TENT4B: variants seen among roughly 807,000 people sequenced by gnomAD.
The protein encoded by TENT4B is terminal nucleotidyltransferase 4B, also known as PAP associated domain containing 5.
TENT4B carries 10 observed loss-of-function variants against 75.0 expected under a neutral mutation model. The observed-to-expected ratio is 0.13, with a 90% confidence interval of 0.08 to 0.23. TENT4B has a LOEUF of 0.23. Ranked by LOEUF, TENT4B falls within the 10% of genes least tolerant of loss-of-function variation. The pLI, the probability that TENT4B is intolerant of heterozygous loss-of-function variation, is 1.00. For synonymous variants in TENT4B, 350 were observed against 357.7 expected (o/e 0.98, Z 0.24); for missense variants, 579 against 893.8 (o/e 0.65, Z 4.49).
chr16:50,209,162 A>AT (rs372277000), intron 1 of TENT4B, among the ~76,000 whole-genome samples: 3 of 152,042 alleles, frequency 2.0e-5, no homozygotes, highest in Non-Finnish European at 2.9e-5. Flanking sequence ...CATTTAGGAG[A>AT]TTTTTCCCCC....
In TENT4B at chr16:50,214,108, A is replaced by G. The variant is rs11861291; in HGVS notation, c.763-113A>G. On this transcript the variant is annotated intron_variant, in intron 2 of 11. Transcript: ENST00000561678. ...TAGAAAAAAATGCTCTTGTCATACC[A>G]AAAAGTACCAGTAGAGGGTAGCAAA... 4,386 of 769,854 alleles carry G rather than the reference A, an allele frequency of 5.7e-3. 151 individuals carry two copies. The African/African-American group carries it at 0.071, about 13-fold the overall frequency. The allele number at this position is 769,854 out of a possible 1,614,324, so 47.7% of individuals were successfully genotyped here.
intron 1 of TENT4B, among the ~76,000 whole-genome samples, chr16:50,191,305 G>A (rs1490848969): frequency 6.6e-6 from 1 of 151,996 alleles, no homozygotes; most frequent in Non-Finnish European, 1.5e-5. Context: ...CCACACAGCT[G>A]TACCATTGTA....
At position 50,153,994 on chromosome 16, in the gene TENT4B, G is replaced by C. The variant is rs2037835127; in HGVS notation, c.373G>C (p.Ala125Pro). 1 of 1,534,074 alleles carries C rather than the reference G, an allele frequency of 6.5e-7. No individual in the cohort carries two copies. The highest frequency in any genetic ancestry group is 8.7e-7 in the Non-Finnish European group (1 of 1,146,074). The change falls in exon 1 of 12, where the codon GCG becomes CCG. Residue 125 changes from alanine to proline, a missense_variant. Coordinates refer to ENST00000561678, the MANE Select transcript of TENT4B (RefSeq NM_001365324.3). The stretch of plus-strand genomic sequence containing the variant: ...CCAGCCCGGGGCCTGGGCCCGCCGG[G>C]CGGGCTCCTCGGCGTCCTCGCCTCC... ...HHQPGAWARR[A>P]GSSASSPPSA...
At chr16:50,228,721 G>T (rs1276949351) in intron 11 of TENT4B, among the ~76,000 whole-genome samples, 2 of 152,178 alleles carry the variant, frequency 1.3e-5, no homozygotes, top group African/African-American at 2.4e-5. Flanking sequence ...AAGTGACAGG[G>T]TTGACAGAAG....
chr16:50,210,121 C>T (rs749147005), intron 1 of TENT4B, among the ~76,000 whole-genome samples: 20 of 152,190 alleles, frequency 1.3e-4, no homozygotes, highest in Non-Finnish European at 2.9e-4. Context: ...TGGTCTATCC[C>T]AGTTGGTAGA....
chr16:50,171,322 G>A (rs1485886259), intron 1 of TENT4B, among the ~76,000 whole-genome samples: 1 of 152,076 alleles, frequency 6.6e-6, no homozygotes, highest in Admixed American at 6.6e-5. Flanking sequence ...GATCGCTTGA[G>A]CCTAGGAAGT....
chr16:50,199,880 C>A (rs1306410497), intron 1 of TENT4B, among the ~76,000 whole-genome samples: 3 of 152,126 alleles, frequency 2.0e-5, no homozygotes, highest in African/African-American at 7.2e-5. Flanking sequence ...TGATGTGAAC[C>A]CCTCTCCTCA....
chr16:50,161,333 T>C (rs1001324291), intron 1 of TENT4B, among the ~76,000 whole-genome samples: 1 of 152,210 alleles, frequency 6.6e-6, no homozygotes, highest in Non-Finnish European at 1.5e-5. Context: ...GGAAAAAAGC[T>C]GAATGTTGAG....
rs950493922 is a variant in TENT4B, at chr16:50,222,559, G to A, written c.1167+125G>A. 9 of 968,396 alleles carry A rather than the reference G, an allele frequency of 9.3e-6. No individual in the cohort carries two copies. The African/African-American group carries it at 1.2e-4, about 13-fold the overall frequency. The allele number at this position is 968,396 out of a possible 1,614,324, so 60.0% of individuals were successfully genotyped here. On this transcript the variant is annotated intron_variant, in intron 6 of 11. Transcript: ENST00000561678. ...CATTGCTTTCCTTGATTACTTAACG[G>A]CTTTTCCCTTTAAACTGGGTACATT...
chr16:50,165,629 C>G (rs2038085742), intron 1 of TENT4B, among the ~76,000 whole-genome samples: 1 of 152,178 alleles, frequency 6.6e-6, no homozygotes, highest in African/African-American at 2.4e-5. Flanking sequence ...GACTCTCTGT[C>G]TCTGTGGATT....
intron 5 of TENT4B, among the ~76,000 whole-genome samples, chr16:50,221,785 A>G (rs988019407): frequency 9.5e-5 from 14 of 147,628 alleles, no homozygotes; most frequent in Middle Eastern, 6.9e-3. Context: ...TTTTTTTGAG[A>G]TGGAGTCTTG....
intron 5 of TENT4B, among the ~76,000 whole-genome samples, chr16:50,218,946 C>T (rs2150742283): frequency 6.6e-6 from 1 of 151,958 alleles, no homozygotes; most frequent in South Asian, 2.1e-4. Flanking sequence ...TGTAGCAGCT[C>T]TAAAGTTTCT....
chr16:50,168,037 A>C (rs58350231), intron 1 of TENT4B, among the ~76,000 whole-genome samples: 287 of 151,984 alleles, frequency 1.9e-3, no homozygotes, highest in African/African-American at 6.7e-3. Flanking sequence ...CAGTTGTCCC[A>C]GAACCATTTG....
Position 50,197,107 on chromosome 16 carries a change from TA to T in TENT4B, c.639-14206del, listed in dbSNP as rs1039564437. Among the ~76,000 whole-genome samples the T allele has an allele frequency of 3.7e-5, 5 of 134,864 alleles. No individual in the cohort carries two copies. The East Asian group carries it at 6.4e-4, about 17-fold the overall frequency. The allele number at this position is 134,864 out of a possible 152,430, so 88.5% of individuals were successfully genotyped here. A position where few individuals can be genotyped will look rare whatever the true frequency, so the allele number is the denominator to read the frequency against. On this transcript the variant is annotated intron_variant, in intron 1 of 11. Transcript: ENST00000561678. ...GGGGATGATAGCAAGACCCCATCTC[TA>T]AAAAAAAAACAAAAAACAAAAAAAA... is the stretch of plus-strand genomic sequence containing the variant.
chr16:50,214,343 A>G, intron 3 of TENT4B, 76 bp downstream of exon 3: 1 of 1,205,532 alleles, frequency 8.3e-7, no homozygotes, highest in Non-Finnish European at 1.2e-6. Flanking sequence ...TGTAAGGAGT[A>G]GAAACAAAAC....
At chr16:50,178,415 G>C (rs145529724) in intron 1 of TENT4B, among the ~76,000 whole-genome samples, 1 of 151,994 alleles carries the variant, frequency 6.6e-6, no homozygotes, top group East Asian at 1.9e-4. Flanking sequence ...CTGTACTCCA[G>C]CCTGGGCAAC....
At chr16:50,189,019 T>C (rs960472608) in intron 1 of TENT4B, among the ~76,000 whole-genome samples, 12 of 152,154 alleles carry the variant, frequency 7.9e-5, no homozygotes, top group Non-Finnish European at 1.6e-4. Context: ...CCCTGCGTGG[T>C]AGATCTAGGA....
Position 50,233,805 on chromosome 16 carries a change from G to A in TENT4B, c.*4477G>A, listed in dbSNP as rs2032369378. On this transcript the variant is annotated 3_prime_UTR_variant, in exon 12 of 12. Coordinates refer to ENST00000561678, the MANE Select transcript of TENT4B (RefSeq NM_001365324.3). ...AAAAGGAGACAGAACCAGAGAGATG[G>A]ATGTAGTGCATTCCCTTTGGTTATT... 1.0e-6 allele frequency: 1 copy of A among 985,270 alleles called. No homozygotes were observed. The highest frequency in any genetic ancestry group is 1.7e-5 in the African/African-American group (1 of 57,216). The allele number at this position is 985,270 out of a possible 1,614,324, so 61.0% of individuals were successfully genotyped here.
intron 5 of TENT4B, among the ~76,000 whole-genome samples, chr16:50,221,957 G>A (rs749439140): frequency 4.6e-5 from 7 of 151,974 alleles, no homozygotes; most frequent in Non-Finnish European, 7.4e-5. Context: ...AGAGATAGGC[G>A]TTTCACCATG....
Sources: allele counts gnomAD v4.1 joint callset (sites outside exome capture counted in the v4.1 genomes callset), GRCh38; gene constraint gnomAD v4.1.1; transcripts MANE v1.5; gene names NCBI Gene and HGNC (gene_info 2026-07-23, HGNC 2026-07-21).